CDH13: variants seen among roughly 807,000 people sequenced by gnomAD.
CDH13 encodes the protein cadherin-13.
CDH13 carries 24 observed loss-of-function variants against 63.8 expected under a neutral mutation model. The observed-to-expected ratio is 0.38, with a 90% CI of 0.27 to 0.53. The LOEUF (loss-of-function observed/expected upper bound fraction) is 0.53, where lower values mean the gene tolerates loss of function less well. Among genes scored for constraint, CDH13 ranks in the 20% least tolerant of loss-of-function variants. The probability of loss-of-function intolerance (pLI) is 0.85; values close to 1 mark genes in which losing one functional copy is unlikely to be tolerated. For synonymous variants in CDH13, 503 were observed against 355.3 expected, an observed-to-expected ratio of 1.42 and a Z score of -4.67; for missense variants, 1,049 against 903.1, an observed-to-expected ratio of 1.16 and a Z score of -2.07.
At chr16:83,368,884 T>A (rs28452275) in intron 6 of CDH13, among the ~76,000 whole-genome samples, 1,466 of 47,014 alleles carry the variant, frequency 0.031, 58 homozygotes, top group African/African-American at 0.048. Flanking sequence ...GTATTCCATG[T>A]TATATATATA....
intron 1 of CDH13, among the ~76,000 whole-genome samples, chr16:82,715,297 A>G (rs2032281960): frequency 6.6e-6 from 1 of 151,480 alleles, no homozygotes; most frequent in Admixed American, 6.6e-5. Context: ...GGCTGCAACC[A>G]AGTCACTTAG....
At position 82,976,674 on chromosome 16, in the gene CDH13, TG is replaced by T. The variant is rs556640448; in HGVS notation, c.158-55334del. On this transcript the variant is annotated intron_variant, in intron 2 of 13. Transcript: ENST00000567109. ...AAATGGTGGAGAATGTAGGTGAGAT[TG>T]GCACTGAGGGGTTCAGACTCCCAAA... Among the ~76,000 whole-genome samples the T allele has an allele frequency of 8.5e-5, 13 of 152,286 alleles. No homozygotes were observed. The South Asian group carries it at 2.5e-3, about 29-fold the overall frequency.
At chr16:83,789,200 C>G (rs1469780562) in intron 13 of CDH13, among the ~76,000 whole-genome samples, 1 of 152,144 alleles carries the variant, frequency 6.6e-6, no homozygotes, top group South Asian at 2.1e-4. Context: ...TAAAAGCAGA[C>G]ATCAAAGTGG....
chr16:82,834,052 G>A (rs765336723), intron 1 of CDH13, among the ~76,000 whole-genome samples: 1 of 152,200 alleles, frequency 6.6e-6, no homozygotes, highest in Non-Finnish European at 1.5e-5. Context: ...TCAATTCAGC[G>A]CTAGCCAGCT....
intron 2 of CDH13, among the ~76,000 whole-genome samples, chr16:82,933,770 C>G (rs1269986673): frequency 6.6e-6 from 1 of 152,182 alleles, no homozygotes; most frequent in African/African-American, 2.4e-5. Flanking sequence ...ATAGGGGCTA[C>G]AGGATCCGGG....
At chr16:82,656,500 G>A (rs954705536) in intron 1 of CDH13, among the ~76,000 whole-genome samples, 1 of 152,146 alleles carries the variant, frequency 6.6e-6, no homozygotes, top group Non-Finnish European at 1.5e-5. Flanking sequence ...CCCCACAAAT[G>A]CACAGCCTTG....
intron 1 of CDH13, among the ~76,000 whole-genome samples, chr16:82,721,007 C>T (rs1036239272): frequency 1.3e-5 from 2 of 152,154 alleles, no homozygotes; most frequent in Admixed American, 1.3e-4. Flanking sequence ...TGGGATGAAG[C>T]CATGATAATT....
intron 6 of CDH13, among the ~76,000 whole-genome samples, chr16:83,413,035 G>T (rs992828878): frequency 3.9e-5 from 6 of 152,114 alleles, no homozygotes; most frequent in African/African-American, 1.2e-4. Flanking sequence ...TTATTCCACT[G>T]TGCACGTAGA....
rs1412585971 is a variant in CDH13 at position 83,762,159 on chromosome 16, C to G, written c.1681+13909C>G. Among the ~76,000 whole-genome samples, 5 of 152,276 alleles carry G rather than the reference C, an allele frequency of 3.3e-5. No homozygotes were observed. The South Asian group carries it at 1.0e-3, about 32-fold the overall frequency. On this transcript the variant is annotated intron_variant, in intron 11 of 13. Transcript: ENST00000567109. ...CAGAAATGCTTTTGTTTTGCTACAT[C>G]AAAACTGGCTGTGGCCAAATGACTT...
intron 10 of CDH13, among the ~76,000 whole-genome samples, chr16:83,736,686 A>G (rs1186433609): frequency 3.3e-5 from 5 of 152,192 alleles, no homozygotes; most frequent in South Asian, 2.1e-4. Context: ...AGCGGAAACT[A>G]TGTCAATCAC....
chr16:82,710,871 GC>G (rs1050189662), intron 1 of CDH13, among the ~76,000 whole-genome samples: 5 of 149,760 alleles, frequency 3.3e-5, no homozygotes, highest in African/African-American at 1.2e-4. Flanking sequence ...GAATCAAACA[GC>G]CCATTATAAG....
chr16:82,828,309 A>G (rs895240030), intron 1 of CDH13, among the ~76,000 whole-genome samples: 1 of 152,150 alleles, frequency 6.6e-6, no homozygotes, highest in African/African-American at 2.4e-5. Context: ...TGCGGATTCA[A>G]TGAACTATGG....
chr16:82,720,089 C>T (rs1328977461), intron 1 of CDH13, among the ~76,000 whole-genome samples: 2 of 152,024 alleles, frequency 1.3e-5, no homozygotes, highest in African/African-American at 2.4e-5. Context: ...TAAAGATGAG[C>T]TATACATACA....
intron 1 of CDH13, among the ~76,000 whole-genome samples, chr16:82,642,238 C>T (rs1909498728): frequency 1.3e-5 from 2 of 152,084 alleles, no homozygotes; most frequent in Non-Finnish European, 1.5e-5. Context: ...GTTGTTGACA[C>T]ACAATAGAGT....
chr16:83,741,294 C>T (rs904942560), intron 10 of CDH13, among the ~76,000 whole-genome samples: 3 of 152,108 alleles, frequency 2.0e-5, no homozygotes, highest in East Asian at 1.9e-4. Context: ...ATAATAAATA[C>T]GGGGTCCAGT....
chr16:83,114,492 C>G (rs889183232), intron 3 of CDH13, among the ~76,000 whole-genome samples: 50 of 152,158 alleles, frequency 3.3e-4, no homozygotes, highest in Non-Finnish European at 2.9e-5. Flanking sequence ...TTCTCTGACC[C>G]TTTAAAATGA....
Position 83,512,238 on chromosome 16 carries a change from G to A in CDH13, c.960+25583G>A, listed in dbSNP as rs1018775253. Among the ~76,000 whole-genome samples, 7 of 151,032 alleles carry A rather than the reference G, an allele frequency of 4.6e-5. 1 individual carries two copies. Among genetic ancestry groups the A allele is most frequent in the African/African-American group, 1.5e-4 (6 of 41,044 alleles). On this transcript the variant is annotated intron_variant, in intron 7 of 13. Transcript: ENST00000567109. ...CGGGAGTTTGAGGCAGGAGAATGGCGTGAACCCGGGAGGCGAAGCTTGCAG... is the reference window on the plus strand; with the variant it reads ...CGGGAGTTTGAGGCAGGAGAATGGCATGAACCCGGGAGGCGAAGCTTGCAG...
intron 6 of CDH13, among the ~76,000 whole-genome samples, chr16:83,470,022 T>C (rs1207251777): frequency 6.6e-6 from 1 of 152,214 alleles, no homozygotes; most frequent in Non-Finnish European, 1.5e-5. Context: ...TGGGTGATAC[T>C]TGTTGTAACA....
At chr16:83,750,005 T>A (rs1912945003) in intron 11 of CDH13, among the ~76,000 whole-genome samples, 1 of 152,128 alleles carries the variant, frequency 6.6e-6, no homozygotes, top group Non-Finnish European at 1.5e-5. Flanking sequence ...TTATAAGAAA[T>A]AGCTCATGTT....
Sources: gnomAD v4.1 joint callset for allele counts (sites outside exome capture counted in the v4.1 genomes callset) on GRCh38, gnomAD v4.1.1 for gene constraint, MANE v1.5 for transcripts, NCBI Gene and HGNC (gene_info 2026-07-23, HGNC 2026-07-21) for gene names.